Variants in MTHFD1L observed in about 807,000 individuals in gnomAD.
MTHFD1L encodes the protein methylenetetrahydrofolate dehydrogenase (NADP+ dependent) 1 like.
MTHFD1L carries 81 observed loss-of-function variants against 119.5 expected under a neutral mutation model. The ratio of observed to expected loss-of-function variants is 0.68; its 90% confidence interval spans 0.57 to 0.82. The LOEUF is 0.82. MTHFD1L is among the 40% of genes least tolerant of loss of function. The pLI is 0.00. For synonymous variants in MTHFD1L, 430 were observed against 475.2 expected (o/e 0.90, Z 1.24); for missense variants, 1,125 against 1,253.4 (o/e 0.90, Z 1.55).
At chr6:150,872,542 G>C (rs1017193163) in intron 1 of MTHFD1L, among the ~76,000 whole-genome samples, 1 of 152,040 alleles carries the variant, frequency 6.6e-6, no homozygotes, top group Non-Finnish European at 1.5e-5. Context: ...TCATGGCCAC[G>C]GTTTGGCCAA....
chr6:150,948,165 G>A (rs181621529), intron 15 of MTHFD1L, among the ~76,000 whole-genome samples: 1,571 of 148,928 alleles, frequency 0.011, 34 homozygotes, highest in African/African-American at 0.037. Flanking sequence ...GTGCCACCAC[G>A]CCAGGCTAAT....
rs376834254 is a variant in MTHFD1L at position 151,009,047 on chromosome 6, G to T, written c.2126-772G>T. 4.6e-5 allele frequency among the ~76,000 whole-genome samples: 7 copies of T among 150,762 alleles called. 1 individual carries two copies. In the East Asian group the frequency reaches 9.8e-4, roughly 21 times the overall value. ...TGAGGCAGGAGAATCGCTTGAACCCGGGAGGCGGAGGTTGCAGTGAGCTGA... is the reference window on the plus strand; with the variant it reads ...TGAGGCAGGAGAATCGCTTGAACCCTGGAGGCGGAGGTTGCAGTGAGCTGA... On this transcript the variant is annotated intron_variant, in intron 20 of 27. Coordinates refer to ENST00000367321, the MANE Select transcript of MTHFD1L (RefSeq NM_015440.5).
intron 19 of MTHFD1L, among the ~76,000 whole-genome samples, chr6:150,967,276 A>G (rs1170116168): frequency 6.6e-6 from 1 of 152,210 alleles, no homozygotes; most frequent in Non-Finnish European, 1.5e-5. Context: ...AGAGAAGCTC[A>G]GCAGAGTTTG....
At chr6:151,099,983 T>C (rs996411049) in intron 27 of MTHFD1L, 148 of 802,176 alleles carry the variant, frequency 1.8e-4, no homozygotes, top group South Asian at 1.9e-4. Flanking sequence ...AACAGCCATC[T>C]GGCATCTTCC....
At chr6:150,899,751 A>G (rs1784814357) in intron 7 of MTHFD1L, among the ~76,000 whole-genome samples, 1 of 152,110 alleles carries the variant, frequency 6.6e-6, no homozygotes, top group Non-Finnish European at 1.5e-5. Context: ...AGGCAGGCGG[A>G]TCATGAGGTC....
rs546546549 is a variant in MTHFD1L at position 151,005,293 on chromosome 6, T to C, written c.2126-4526T>C. Among the ~76,000 whole-genome samples the C allele has an allele frequency of 6.6e-5, 10 of 152,246 alleles. No individual in the cohort carries two copies. The East Asian group carries it at 1.9e-3, about 29-fold the overall frequency. ...AGTAATTGGTGGCACCTTATTAAAG[T>C]AGTTTTTACTTTCATAATTACTGAT... On this transcript the variant is annotated intron_variant, in intron 20 of 27. Coordinates refer to ENST00000367321, the MANE Select transcript of MTHFD1L (RefSeq NM_015440.5).
intron 7 of MTHFD1L, among the ~76,000 whole-genome samples, chr6:150,893,980 A>C (rs1783788778): frequency 6.6e-6 from 1 of 152,158 alleles, no homozygotes; most frequent in Non-Finnish European, 1.5e-5. Context: ...GCAGTGGTTC[A>C]CGCCTGTAAT....
At chr6:151,049,359 G>A (rs1175657562) in intron 26 of MTHFD1L, among the ~76,000 whole-genome samples, 4 of 152,212 alleles carry the variant, frequency 2.6e-5, no homozygotes, top group East Asian at 3.9e-4. Context: ...AGGTGTGGTG[G>A]CAGACGCCTG....
chr6:150,972,390 C>A (rs994864753), intron 20 of MTHFD1L, among the ~76,000 whole-genome samples: 1 of 152,182 alleles, frequency 6.6e-6, no homozygotes, highest in Non-Finnish European at 1.5e-5. Context: ...TGTATCAAAC[C>A]TTTTAGGGTT....
chr6:150,994,455 C>G (rs967600524), intron 20 of MTHFD1L, among the ~76,000 whole-genome samples: 1 of 151,754 alleles, frequency 6.6e-6, no homozygotes, highest in Admixed American at 6.6e-5. Context: ...GTCAGCGTGA[C>G]GACAGTTCAA....
intron 26 of MTHFD1L, among the ~76,000 whole-genome samples, chr6:151,090,925 TGC>T (rs1794336984): frequency 7.7e-6 from 1 of 130,184 alleles, no homozygotes; most frequent in African/African-American, 3.2e-5. Flanking sequence ...CATCGTTCCA[TGC>T]GACTGGGTGC....
chr6:151,057,667 C>A (rs565286980), intron 26 of MTHFD1L, among the ~76,000 whole-genome samples: 1 of 152,270 alleles, frequency 6.6e-6, no homozygotes, highest in East Asian at 1.9e-4. Flanking sequence ...CTAGACTCCC[C>A]CTGTCAAAAA....
chr6:150,898,742 T>G, intron 7 of MTHFD1L: 1 of 287,850 alleles, frequency 3.5e-6, no homozygotes. Flanking sequence ...TGAAGGAAGC[T>G]TCCTGTTACC....
chr6:150,865,727 G>A lies in MTHFD1L; in HGVS notation c.-96G>A. On this transcript the variant is annotated 5_prime_UTR_variant, in exon 1 of 28. Transcript: ENST00000367321. ...GAGGAAGCGCCAGGTCCTTCCCGCCGCCGCCGCCGCCGCCGCCGCCTGCTC... is the reference window on the plus strand; with the variant it reads ...GAGGAAGCGCCAGGTCCTTCCCGCCACCGCCGCCGCCGCCGCCGCCTGCTC... 1.9e-6 allele frequency: 2 copies of A among 1,055,980 alleles called. No homozygotes were observed. The highest frequency in any genetic ancestry group is 1.2e-6 in the Non-Finnish European group (1 of 857,598). 65.4% of individuals were successfully genotyped at this position (1,055,980 alleles called of 1,614,324 possible). A position where few individuals can be genotyped will look rare whatever the true frequency, so the allele number is the denominator to read the frequency against.
chr6:150,996,074 T>G (rs1347724607), intron 20 of MTHFD1L, among the ~76,000 whole-genome samples: 1 of 152,154 alleles, frequency 6.6e-6, no homozygotes. Context: ...TAGTTTGAGG[T>G]TTTATCAAAT....
At chr6:150,953,261 G>A (rs1795107447) in intron 16 of MTHFD1L, among the ~76,000 whole-genome samples, 1 of 152,198 alleles carries the variant, frequency 6.6e-6, no homozygotes, top group Admixed American at 6.5e-5. Flanking sequence ...CAGCCATTAG[G>A]CATACTGTGG....
intron 5 of MTHFD1L, among the ~76,000 whole-genome samples, chr6:150,883,550 C>T (rs1341841356): frequency 6.6e-6 from 1 of 152,122 alleles, no homozygotes; most frequent in Non-Finnish European, 1.5e-5. Context: ...CCTGATTCCC[C>T]AGCAGTACCA....
At chr6:151,069,972 C>T (rs1003285853) in intron 26 of MTHFD1L, among the ~76,000 whole-genome samples, 1 of 152,166 alleles carries the variant, frequency 6.6e-6, no homozygotes, top group African/African-American at 2.4e-5. Flanking sequence ...CGCAGAGGAC[C>T]TGTGTTGACT....
intron 13 of MTHFD1L, 104 bp from the exon 14 acceptor site, chr6:150,944,382 A>G (rs527476459): frequency 2.5e-6 from 2 of 801,568 alleles, no homozygotes; most frequent in Non-Finnish European, 4.1e-6. Context: ...CAAGAGTTTG[A>G]GAATACAGTG....
Sources: gnomAD v4.1 joint callset for allele counts (sites outside exome capture counted in the v4.1 genomes callset) on GRCh38, gnomAD v4.1.1 for gene constraint, MANE v1.5 for transcripts, NCBI Gene and HGNC (gene_info 2026-07-23, HGNC 2026-07-21) for gene names.